The following NELL2 variants were observed in gnomAD, a reference collection of about 807,000 sequenced individuals.
The protein encoded by NELL2 is protein kinase C-binding protein NELL2.
In NELL2, 41 loss-of-function variants were observed where a neutral mutation model predicts 109.6. The ratio of observed to expected loss-of-function variants is 0.37; its 90% CI spans 0.29 to 0.49. NELL2 has a LOEUF of 0.49. Ranked by LOEUF, NELL2 falls within the 20% of genes least tolerant of loss-of-function variation. The pLI is 0.98. For missense variants in NELL2, 900 were observed against 1,008.3 expected, an observed-to-expected ratio of 0.89 and a Z score of 1.45; for synonymous variants, 355 against 344.7, an observed-to-expected ratio of 1.03 and a Z score of -0.33.
At chr12:44,896,522 T>C (rs1321666066) in intron 1 of NELL2, among the ~76,000 whole-genome samples, 1 of 152,222 alleles carries the variant, frequency 6.6e-6, no homozygotes, top group Non-Finnish European at 1.5e-5. Context: ...GTGGTGTATA[T>C]TTCCAAGGGC....
chr12:44,814,166 T>G (rs1943262531), intron 3 of NELL2, among the ~76,000 whole-genome samples: 1 of 152,086 alleles, frequency 6.6e-6, no homozygotes. Flanking sequence ...TGGAGGGCCC[T>G]AGCACCAGTT....
chr12:44,564,887 C>A (rs902610161), intron 15 of NELL2, among the ~76,000 whole-genome samples: 1 of 152,188 alleles, frequency 6.6e-6, no homozygotes, highest in Non-Finnish European at 1.5e-5. Context: ...CCTCTATCAA[C>A]CCATGCACAT....
chr12:44,899,109 C>G (rs1945629653), intron 1 of NELL2, among the ~76,000 whole-genome samples: 2 of 151,418 alleles, frequency 1.3e-5, no homozygotes, highest in South Asian at 4.2e-4. Flanking sequence ...AAATATGGGA[C>G]TATGTGAAAA....
chr12:44,626,664 G>C (rs1466649818), intron 13 of NELL2, among the ~76,000 whole-genome samples: 2 of 152,100 alleles, frequency 1.3e-5, no homozygotes, highest in Admixed American at 6.6e-5. Flanking sequence ...AATTTTAAGA[G>C]AAATTGGACC....
intron 13 of NELL2, among the ~76,000 whole-genome samples, chr12:44,622,939 G>A (rs1393022326): frequency 6.6e-6 from 1 of 152,090 alleles, no homozygotes; most frequent in Non-Finnish European, 1.5e-5. Context: ...ACAGGAAGAA[G>A]CATATAAAAG....
At chr12:44,551,356 CATATATA>C (rs1435822255) in intron 15 of NELL2, among the ~76,000 whole-genome samples, 2 of 152,124 alleles carry the variant, frequency 1.3e-5, no homozygotes, top group Non-Finnish European at 2.9e-5. Context: ...TTTCCAGATG[CATATATA>C]ATATATATGT....
chr12:44,663,117 G>T (rs1947807227), intron 13 of NELL2, among the ~76,000 whole-genome samples: 1 of 152,124 alleles, frequency 6.6e-6, no homozygotes, highest in South Asian at 2.1e-4. Context: ...TCCCATTAGG[G>T]GAGTAATTTC....
chr12:44,604,450 A>G (rs1452625505), intron 15 of NELL2, among the ~76,000 whole-genome samples: 1 of 152,176 alleles, frequency 6.6e-6, no homozygotes, highest in Non-Finnish European at 1.5e-5. Context: ...TTCAACTAAT[A>G]TTCAGAAAAG....
chr12:44,760,412 A>T (rs2136547326), intron 9 of NELL2, among the ~76,000 whole-genome samples: 1 of 152,318 alleles, frequency 6.6e-6, no homozygotes, highest in South Asian at 2.1e-4. Context: ...GATATACAAA[A>T]GCCATCTAGA....
At chr12:44,637,072 T>C (rs910756976) in intron 13 of NELL2, among the ~76,000 whole-genome samples, 3 of 152,136 alleles carry the variant, frequency 2.0e-5, no homozygotes, top group African/African-American at 7.2e-5. Context: ...GATGGCAGTT[T>C]GTATTTCTGT....
At position 44,703,749 on chromosome 12, in the gene NELL2, C is replaced by T. The variant is rs774686363; in HGVS notation, c.1295G>A (p.Arg432Gln). The T allele has an allele frequency of 8.7e-6, 14 of 1,613,410 alleles. No individual in the cohort carries two copies. The highest frequency in any genetic ancestry group is 3.3e-5 in the Admixed American group (2 of 59,978). The change falls in exon 12 of 20, where the codon CGA (arginine) becomes CAA (glutamine). Residue 432 changes from arginine to glutamine, a missense_variant. Arg to Gln is a conservative substitution (Grantham distance 43). Coordinates refer to ENST00000429094, the MANE Select transcript of NELL2 (RefSeq NM_001145108.2). ...ACCTTCACAGTAGGCATTATCCTCT[C>T]GAAGAGCCCTAAAACCATCTCGACA... is the stretch of plus-strand genomic sequence containing the variant. ...CSCRDGFRAL[R>Q]EDNAYCEDID...
intron 14 of NELL2, among the ~76,000 whole-genome samples, chr12:44,609,801 A>G (rs1043894007): frequency 1.3e-5 from 2 of 152,028 alleles, no homozygotes; most frequent in Non-Finnish European, 2.9e-5. Context: ...GTTAACAACT[A>G]TTCCTTGTTC....
At chr12:44,833,734 C>T (rs751386386) in intron 2 of NELL2, among the ~76,000 whole-genome samples, 2 of 152,174 alleles carry the variant, frequency 1.3e-5, no homozygotes, top group Non-Finnish European at 2.9e-5. Flanking sequence ...ACTCGCGGTA[C>T]AGCTCTAGGT....
At chr12:44,748,119 T>TA (rs1940480160) in intron 9 of NELL2, among the ~76,000 whole-genome samples, 1 of 152,164 alleles carries the variant, frequency 6.6e-6, no homozygotes, top group Non-Finnish European at 1.5e-5. Flanking sequence ...TAGCTGCACT[T>TA]AGTGCCTGCA....
chr12:44,759,924 C>T (rs1477355145), intron 9 of NELL2, among the ~76,000 whole-genome samples: 2 of 152,156 alleles, frequency 1.3e-5, no homozygotes, highest in East Asian at 1.9e-4. Flanking sequence ...GTATGGCATC[C>T]GTCTCTTTCA....
intron 13 of NELL2, among the ~76,000 whole-genome samples, chr12:44,639,416 C>T (rs947125185): frequency 4.6e-5 from 7 of 152,188 alleles, no homozygotes; most frequent in African/African-American, 1.7e-4. Flanking sequence ...CCGCAGCGCA[C>T]TCATAAATCA....
chr12:44,774,921 T>C, intron 8 of NELL2, 72 bp from the exon 9 acceptor site: 1 of 1,184,166 alleles, frequency 8.4e-7, no homozygotes, highest in South Asian at 1.3e-5. Context: ...TTGAATTCAT[T>C]CCTTAAATTT....
At chr12:44,791,056 A>G (rs1254073917) in intron 3 of NELL2, among the ~76,000 whole-genome samples, 2 of 115,186 alleles carry the variant, frequency 1.7e-5, no homozygotes, top group East Asian at 4.9e-4. Flanking sequence ...CACCAAGAAG[A>G]AAGTTCAAGT....
chr12:44,654,764 C>T (rs1025729279), intron 13 of NELL2, among the ~76,000 whole-genome samples: 7 of 151,986 alleles, frequency 4.6e-5, no homozygotes, highest in Non-Finnish European at 1.0e-4. Flanking sequence ...AGAGGCACCG[C>T]GGGCTGGGGA....
Sources: gnomAD v4.1 joint callset for allele counts (sites outside exome capture counted in the v4.1 genomes callset) on GRCh38, gnomAD v4.1.1 for gene constraint, MANE v1.5 for transcripts, NCBI Gene and HGNC (gene_info 2026-07-23, HGNC 2026-07-21) for gene names.